The following FRAS1 variants were observed in gnomAD, a reference collection of about 807,000 sequenced individuals.
FRAS1 encodes the protein Fraser extracellular matrix complex subunit 1, also known as extracellular matrix organizing protein FRAS1.
A neutral mutation model predicts 435.2 loss-of-function variants in FRAS1; 290 were observed. The ratio of observed to expected loss-of-function variants is 0.67; its 90% confidence interval spans 0.61 to 0.73. The LOEUF (loss-of-function observed/expected upper bound fraction) is 0.73. Among genes scored for constraint, FRAS1 ranks in the 30% least tolerant of loss-of-function variants. The pLI is 0.00. For synonymous variants in FRAS1, 1,800 were observed against 1,851.0 expected (o/e 0.97, Z 0.71); for missense variants, 4,860 against 5,001.5 (o/e 0.97, Z 0.85).
chr4:78,408,706 A>T (rs1212238294), intron 31 of FRAS1, among the ~76,000 whole-genome samples: 2 of 152,200 alleles, frequency 1.3e-5, no homozygotes, highest in African/African-American at 4.8e-5. Flanking sequence ...GTTAATACAG[A>T]TAGAGTACTT....
chr4:78,326,945 G>C (rs1729742733), intron 18 of FRAS1, among the ~76,000 whole-genome samples: 2 of 152,170 alleles, frequency 1.3e-5, no homozygotes, highest in South Asian at 4.1e-4. Flanking sequence ...AAAAGGGACT[G>C]TGATAGGCAC....
chr4:78,364,510 G>A (rs1221495081), intron 22 of FRAS1, among the ~76,000 whole-genome samples: 1 of 152,110 alleles, frequency 6.6e-6, no homozygotes, highest in African/African-American at 2.4e-5. Flanking sequence ...CAGTGTACAA[G>A]GTTTTGCATG....
At chr4:78,384,895 G>GA (rs1732159536) in intron 28 of FRAS1, among the ~76,000 whole-genome samples, 1 of 132,360 alleles carries the variant, frequency 7.6e-6, no homozygotes, top group Non-Finnish European at 1.5e-5. Context: ...GCAACACAGT[G>GA]AGACCCTGTC....
chr4:78,271,087 G>A (rs907922416), intron 9 of FRAS1, among the ~76,000 whole-genome samples: 2 of 152,168 alleles, frequency 1.3e-5, no homozygotes, highest in African/African-American at 4.8e-5. Context: ...GACATCCAGT[G>A]CATCCAGAGA....
chr4:78,508,148 T>C (rs1488582549), intron 62 of FRAS1, among the ~76,000 whole-genome samples: 1 of 152,168 alleles, frequency 6.6e-6, no homozygotes, highest in Admixed American at 6.6e-5. Context: ...TTGGGGTGAA[T>C]AGAATGAATG....
At chr4:78,393,412 C>A (rs546015904) in intron 29 of FRAS1, among the ~76,000 whole-genome samples, 5 of 138,056 alleles carry the variant, frequency 3.6e-5, no homozygotes, top group African/African-American at 1.4e-4. Context: ...CTGAAAGTTA[C>A]GTTTTGACCA....
At chr4:78,102,166 G>A (rs1468133012) in intron 2 of FRAS1, among the ~76,000 whole-genome samples, 1 of 152,086 alleles carries the variant, frequency 6.6e-6, no homozygotes, top group Non-Finnish European at 1.5e-5. Flanking sequence ...ACTGGAACAA[G>A]TTTCCTTGTG....
rs758349405 is a variant in FRAS1 at position 78,540,574 on chromosome 4, T to C, written c.11489T>C (p.Ile3830Thr). The C allele has an allele frequency of 1.1e-5, 16 of 1,519,364 alleles. No homozygotes were observed. The highest frequency in any genetic ancestry group is 1.4e-5 in the African/African-American group (1 of 71,802). The allele number at this position is 1,519,364 out of a possible 1,614,324, so 94.1% of individuals were successfully genotyped here. A position where few individuals can be genotyped will look rare whatever the true frequency, so the allele number is the denominator to read the frequency against. The change falls in exon 74 of 74, where the codon ATT becomes ACT. Residue 3830 changes from isoleucine to threonine, a missense_variant. Transcript: ENST00000512123. ...HQWYLQVIYIIGPDTISGPRV... is the reference protein window; with the variant it reads ...HQWYLQVIYITGPDTISGPRV... ...TGGTATCTCCAGGTCATCTACATCA[T>C]TGGCCCTGACACCATCTCAGGGCCC...
chr4:78,252,820 AG>A (rs1369792055), intron 5 of FRAS1, among the ~76,000 whole-genome samples: 1 of 152,184 alleles, frequency 6.6e-6, no homozygotes. Flanking sequence ...GTGTACGAAC[AG>A]GGAGTAGGTC....
chr4:78,518,247 G>C (rs1414205830), intron 66 of FRAS1, among the ~76,000 whole-genome samples: 1 of 151,488 alleles, frequency 6.6e-6, no homozygotes, highest in African/African-American at 2.4e-5. Context: ...TGACAACTTT[G>C]AATATTAAAA....
At chr4:78,380,858 G>A (rs1731986646) in intron 27 of FRAS1, among the ~76,000 whole-genome samples, 1 of 152,196 alleles carries the variant, frequency 6.6e-6, no homozygotes, top group Admixed American at 6.5e-5. Flanking sequence ...AGATGGCACT[G>A]TCTCTATTGT....
At chr4:78,366,664 C>T (rs1472416025) in intron 22 of FRAS1, among the ~76,000 whole-genome samples, 1 of 152,200 alleles carries the variant, frequency 6.6e-6, no homozygotes, top group East Asian at 1.9e-4. Context: ...GTGATGGTTA[C>T]AGCACATCCC....
chr4:78,129,120 G>C (rs1423545951), intron 2 of FRAS1, among the ~76,000 whole-genome samples: 4 of 152,292 alleles, frequency 2.6e-5, no homozygotes, highest in Non-Finnish European at 4.4e-5. Flanking sequence ...CTATATCTCT[G>C]TTTTGGTACC....
At chr4:78,530,047 G>A (rs754524857) in intron 70 of FRAS1, among the ~76,000 whole-genome samples, 3 of 152,000 alleles carry the variant, frequency 2.0e-5, no homozygotes, top group Non-Finnish European at 4.4e-5. Context: ...GTTGATTCAT[G>A]TAGCTGTAGT....
rs199510509 is a variant in FRAS1, at chr4:78,537,166, C to T, written c.11264C>T (p.Pro3755Leu). The T allele has an allele frequency of 1.4e-3, 2,323 of 1,613,940 alleles. 3 individuals are homozygous for T. The highest frequency in any genetic ancestry group is 1.8e-3 in the Non-Finnish European group (2,151 of 1,179,858). The change falls in exon 72 of 74, where the codon CCA (proline) becomes CTA (leucine). Residue 3755 changes from proline (P) to leucine (L), a missense_variant. Transcript: ENST00000512123. ...NEGPQYGCIQPNKHLKHRFLL... is the reference protein window; with the variant it reads ...NEGPQYGCIQLNKHLKHRFLL... ...GGGCCCCAGTATGGATGCATTCAGCCAAACAAACACCTAAAACACAGATTC... is the reference window on the plus strand; with the variant it reads ...GGGCCCCAGTATGGATGCATTCAGCTAAACAAACACCTAAAACACAGATTC...
At chr4:78,421,499 T>C (rs7661165) in intron 33 of FRAS1, among the ~76,000 whole-genome samples, 87,286 of 152,002 alleles carry the variant, frequency 0.57, 25,398 homozygotes, top group Non-Finnish European at 0.62. Flanking sequence ...GGTGTCCGCC[T>C]AGATTGAGGG....
intron 9 of FRAS1, among the ~76,000 whole-genome samples, chr4:78,271,329 T>C (rs183409328): frequency 2.6e-5 from 4 of 152,196 alleles, no homozygotes; most frequent in African/African-American, 9.7e-5. Context: ...TTTTTTTTAT[T>C]ATACTTTAAG....
At chr4:78,456,138 C>CTTTTTTTTTCTT (rs1719187825) in intron 47 of FRAS1, among the ~76,000 whole-genome samples, 3 of 51,486 alleles carry the variant, frequency 5.8e-5, no homozygotes, top group African/African-American at 8.2e-5. Context: ...ACACATGTCA[C>CTTTTTTTTTCTT]TTTTTTTTTT....
At chr4:78,511,038 A>C (rs891271332) in intron 63 of FRAS1, among the ~76,000 whole-genome samples, 1 of 152,212 alleles carries the variant, frequency 6.6e-6, no homozygotes, top group African/African-American at 2.4e-5. Flanking sequence ...TGTGCTCCAC[A>C]TCTGTCTACT....
Sources: gnomAD v4.1 joint callset for allele counts (sites outside exome capture counted in the v4.1 genomes callset) on GRCh38, gnomAD v4.1.1 for gene constraint, MANE v1.5 for transcripts, NCBI Gene and HGNC (gene_info 2026-07-23, HGNC 2026-07-21) for gene names.